ROBO1: variants seen among roughly 807,000 people sequenced by gnomAD.
ROBO1 encodes roundabout homolog 1.
Under a neutral mutation model 195.9 loss-of-function variants are expected in ROBO1, and 149 were observed. That is an observed-to-expected ratio of 0.76 (90% CI 0.67 to 0.87). ROBO1 has a LOEUF of 0.87. ROBO1 is among the 40% of genes least tolerant of loss of function. The pLI, the probability that ROBO1 is intolerant of heterozygous loss-of-function variation, is 0.00. For missense variants in ROBO1, 1,933 were observed against 2,068.3 expected (o/e 0.93, Z 1.27); for synonymous variants, 816 against 733.2 (o/e 1.11, Z -1.82).
chr3:79,109,557 C>T (rs1467133907), intron 3 of ROBO1, among the ~76,000 whole-genome samples: 1 of 152,010 alleles, frequency 6.6e-6, no homozygotes, highest in Non-Finnish European at 1.5e-5. Flanking sequence ...CTTGATGTTG[C>T]TATAAATCAT....
chr3:79,627,771 C>G (rs1165835926), intron 1 of ROBO1, among the ~76,000 whole-genome samples: 1 of 152,070 alleles, frequency 6.6e-6, no homozygotes, highest in African/African-American at 2.4e-5. Context: ...GTCTAATATC[C>G]AGCATTTACA....
intron 2 of ROBO1, among the ~76,000 whole-genome samples, chr3:79,315,386 C>G (rs1378136078): frequency 6.6e-6 from 1 of 152,126 alleles, no homozygotes; most frequent in African/African-American, 2.4e-5. Context: ...ACTTACGGGA[C>G]TGATGAAATA....
intron 3 of ROBO1, among the ~76,000 whole-genome samples, chr3:79,036,845 T>A (rs2078389135): frequency 6.6e-6 from 1 of 152,140 alleles, no homozygotes; most frequent in South Asian, 2.1e-4. Context: ...ACACAAGGGG[T>A]GAAAACTTTT....
At chr3:78,636,397 C>A (rs950413150) in intron 22 of ROBO1, among the ~76,000 whole-genome samples, 2 of 151,972 alleles carry the variant, frequency 1.3e-5, no homozygotes, top group Non-Finnish European at 2.9e-5. Context: ...CATTTAATAA[C>A]CTCATTAATA....
rs537222659 is a variant in ROBO1 at position 79,235,951 on chromosome 3, T to C, written c.89-110412A>G. On this transcript the variant is annotated intron_variant, in intron 2 of 30. Transcript: ENST00000464233. ...AAATAATGACAACAATATAGCATATTGTTGTTCTATTTTGACAGTTATCAC... is the reference window on the plus strand; with the variant it reads ...AAATAATGACAACAATATAGCATATCGTTGTTCTATTTTGACAGTTATCAC... Among the ~76,000 whole-genome samples, 3 of 152,250 alleles carry C rather than the reference T, an allele frequency of 2.0e-5. No individual in the cohort carries two copies. The South Asian group carries it at 6.2e-4, about 32-fold the overall frequency.
intron 2 of ROBO1, among the ~76,000 whole-genome samples, chr3:79,369,526 C>T (rs781228963): frequency 6.6e-6 from 1 of 152,160 alleles, no homozygotes; most frequent in Non-Finnish European, 1.5e-5. Flanking sequence ...AATGAGAAAA[C>T]ACCCATTTTC....
At chr3:78,798,830 A>G (rs2084263948) in intron 4 of ROBO1, among the ~76,000 whole-genome samples, 1 of 152,224 alleles carries the variant, frequency 6.6e-6, no homozygotes. Flanking sequence ...GTACAGGTGA[A>G]GCTATTCATG....
Position 79,171,131 on chromosome 3 carries a change from T to C in ROBO1, c.89-45592A>G, listed in dbSNP as rs973212248. On this transcript the variant is annotated intron_variant, in intron 2 of 30. Transcript: ENST00000464233. The stretch of plus-strand genomic sequence containing the variant: ...ATAATGAATTTACTTAAATTCATTA[T>C]TTAAATAATATAAATGTATAATTAA... Among the ~76,000 whole-genome samples, 8 of 150,136 alleles carry C rather than the reference T, an allele frequency of 5.3e-5. No homozygotes were observed. The South Asian group carries it at 1.2e-3, about 23-fold the overall frequency.
At chr3:79,594,558 C>A (rs996537060) in intron 1 of ROBO1, among the ~76,000 whole-genome samples, 3 of 151,890 alleles carry the variant, frequency 2.0e-5, no homozygotes, top group African/African-American at 7.2e-5. Context: ...GTAATATAAC[C>A]AGTGTTTTAG....
chr3:79,410,550 C>T (rs2037724082), intron 2 of ROBO1, among the ~76,000 whole-genome samples: 1 of 150,232 alleles, frequency 6.7e-6, no homozygotes, highest in African/African-American at 2.5e-5. Context: ...TATAGACATG[C>T]CTTTTCTGAA....
intron 2 of ROBO1, among the ~76,000 whole-genome samples, chr3:79,199,912 T>C (rs577793724): frequency 2.8e-4 from 42 of 151,960 alleles, no homozygotes; most frequent in East Asian, 2.1e-3. Flanking sequence ...ATTTTCTACA[T>C]TTCTTTAAAG....
chr3:79,694,994 T>A (rs1020794630), intron 1 of ROBO1, among the ~76,000 whole-genome samples: 2 of 151,514 alleles, frequency 1.3e-5, no homozygotes, highest in Non-Finnish European at 3.0e-5. Flanking sequence ...TGTTTTCCCA[T>A]TTTTTGGAGG....
chr3:79,695,413 C>T (rs982582217), intron 1 of ROBO1, among the ~76,000 whole-genome samples: 1 of 151,480 alleles, frequency 6.6e-6, no homozygotes, highest in Non-Finnish European at 1.5e-5. Flanking sequence ...ATTACAATGA[C>T]TTTACTTTGA....
intron 1 of ROBO1, among the ~76,000 whole-genome samples, chr3:79,596,228 C>T (rs56993934): frequency 0.024 from 3,644 of 152,078 alleles, 100 homozygotes; most frequent in African/African-American, 0.068. Flanking sequence ...TATTTTTGAA[C>T]AGCTAATCTA....
intron 1 of ROBO1, among the ~76,000 whole-genome samples, chr3:79,695,494 G>A (rs1947417963): frequency 6.6e-6 from 1 of 151,380 alleles, no homozygotes; most frequent in African/African-American, 2.4e-5. Flanking sequence ...TTGAGACTGT[G>A]GTGCTTTTTC....
At chr3:79,268,705 A>T (rs1279674953) in intron 2 of ROBO1, among the ~76,000 whole-genome samples, 8 of 151,678 alleles carry the variant, frequency 5.3e-5, no homozygotes, top group Admixed American at 5.3e-4. Flanking sequence ...GCCTACTTAT[A>T]TGAGTAATAC....
At chr3:79,763,002 C>T (rs1241298448) in intron 1 of ROBO1, among the ~76,000 whole-genome samples, 1 of 152,004 alleles carries the variant, frequency 6.6e-6, no homozygotes, top group Non-Finnish European at 1.5e-5. Flanking sequence ...TGCTATTTAC[C>T]ACTTGGAAAT....
chr3:78,894,199 T>C (rs955980063), intron 4 of ROBO1, among the ~76,000 whole-genome samples: 2 of 152,164 alleles, frequency 1.3e-5, no homozygotes, highest in Non-Finnish European at 2.9e-5. Context: ...CAACACATCA[T>C]TCATTTTCAG....
chr3:78,600,013 G>A, intron 30 of ROBO1, 100 bp downstream of exon 30: 1 of 966,730 alleles, frequency 1.0e-6, no homozygotes, highest in East Asian at 2.4e-5. Flanking sequence ...TGAAAAGTTT[G>A]CAATAAAACA....
Sources: allele counts gnomAD v4.1 joint callset (sites outside exome capture counted in the v4.1 genomes callset), GRCh38; gene constraint gnomAD v4.1.1; transcripts MANE v1.5; gene names NCBI Gene and HGNC (gene_info 2026-07-23, HGNC 2026-07-21).